The following NCOA2 variants were observed in gnomAD, a reference collection of about 807,000 sequenced individuals.
The protein encoded by NCOA2 is class E basic helix-loop-helix protein 75.
A neutral mutation model predicts 145.1 loss-of-function variants in NCOA2; 21 were observed. That is an observed-to-expected ratio of 0.14 (90% confidence interval 0.10 to 0.21). NCOA2 has a LOEUF of 0.21. Ranked by LOEUF, NCOA2 falls within the 10% of genes least tolerant of loss-of-function variation. The pLI, the probability that NCOA2 is intolerant of heterozygous loss-of-function variation, is 1.00. For missense variants in NCOA2, 1,472 were observed against 1,837.6 expected (o/e 0.80, Z 3.64); for synonymous variants, 619 against 637.5 (o/e 0.97, Z 0.44).
rs762541690 is a variant in NCOA2 at position 70,156,470 on chromosome 8, A to G, written c.1895T>C (p.Leu632Pro). The G allele has an allele frequency of 3.7e-6, 6 of 1,613,814 alleles. No individual in the cohort carries two copies. The African/African-American group carries it at 5.3e-5, about 14-fold the overall frequency. Residue 632 changes from leucine (L) to proline (P), a missense_variant, in exon 11 of 23, where the codon CTG becomes CCG. Transcript: ENST00000452400. ...SSERADGQSR[L>P]HDSKGQTKLL... ...TTTGGTCTGCCCTTTGCTGTCATGC[A>G]GTCTGCTCTGCCCGTCAGCTCTCTC... is the stretch of plus-strand genomic sequence containing the variant.
chr8:70,186,879 G>A (rs1329340936), intron 4 of NCOA2, among the ~76,000 whole-genome samples: 1 of 152,100 alleles, frequency 6.6e-6, no homozygotes, highest in Non-Finnish European at 1.5e-5. Context: ...TAAATTCAAA[G>A]GACATTCTAG....
the NCOA2 span, among the ~76,000 whole-genome samples, chr8:70,434,571 C>T: frequency 6.6e-6 from 1 of 151,900 alleles, no homozygotes; most frequent in Non-Finnish European, 1.5e-5. Flanking sequence ...TTCTTTCTTT[C>T]TTTTTTCTTT....
intron 1 of NCOA2, among the ~76,000 whole-genome samples, chr8:70,306,745 G>A (rs1189901858): frequency 3.9e-5 from 6 of 152,090 alleles, no homozygotes; most frequent in Non-Finnish European, 8.8e-5. Context: ...CAGGTGTGGT[G>A]GCGCGTGCCT....
In NCOA2 at chr8:70,113,518, C is replaced by A; in HGVS notation, c.*114G>T. ...CCAGGGCCAGGCCTGTCTGCTCTAG[C>A]AGAACCGGCTGGCAGGTCAGTTGGG... On this transcript the variant is annotated 3_prime_UTR_variant, in exon 23 of 23. Coordinates refer to ENST00000452400, the MANE Select transcript of NCOA2 (RefSeq NM_006540.4). 3.1e-6 allele frequency: 4 copies of A among 1,269,976 alleles called. No individual in the cohort carries two copies. Among genetic ancestry groups the A allele is most frequent in the Non-Finnish European group, 4.5e-6 (4 of 895,280 alleles). The allele number at this position is 1,269,976 out of a possible 1,614,324, so 78.7% of individuals were successfully genotyped here.
intron 2 of NCOA2, among the ~76,000 whole-genome samples, chr8:70,228,902 G>C (rs764787464): frequency 6.6e-6 from 1 of 152,180 alleles, no homozygotes; most frequent in African/African-American, 2.4e-5. Context: ...ATAGAATGAC[G>C]TGGAGAAAAC....
At chr8:70,411,377 A>T in the NCOA2 span, among the ~76,000 whole-genome samples, 3 of 152,268 alleles carry the variant, frequency 2.0e-5, no homozygotes, top group African/African-American at 7.2e-5. Context: ...AAAAATGCAA[A>T]GGAATCTACA....
chr8:70,439,044 C>T, the NCOA2 span, among the ~76,000 whole-genome samples: 2 of 152,204 alleles, frequency 1.3e-5, no homozygotes, highest in Non-Finnish European at 2.9e-5. Flanking sequence ...GTAATAGTTA[C>T]TCCATTAACC....
chr8:70,259,090 A>C (rs60509629), intron 2 of NCOA2, among the ~76,000 whole-genome samples: 2,276 of 152,168 alleles, frequency 0.015, 58 homozygotes, highest in African/African-American at 0.053. Context: ...CCATCCTTAC[A>C]TTTTGAGTGA....
chr8:70,175,892 T>A (rs1204990015), intron 4 of NCOA2, among the ~76,000 whole-genome samples: 1 of 151,490 alleles, frequency 6.6e-6, no homozygotes, highest in Non-Finnish European at 1.5e-5. Context: ...GTCAAAAATA[T>A]TTTATACAGT....
At chr8:70,256,823 A>G (rs1823672593) in intron 2 of NCOA2, among the ~76,000 whole-genome samples, 1 of 152,174 alleles carries the variant, frequency 6.6e-6, no homozygotes, top group South Asian at 2.1e-4. Flanking sequence ...TGTGCTCTCA[A>G]TCACAATACA....
chr8:70,286,416 A>G (rs1455211015), intron 2 of NCOA2, among the ~76,000 whole-genome samples: 1 of 152,228 alleles, frequency 6.6e-6, no homozygotes, highest in African/African-American at 2.4e-5. Flanking sequence ...TCTGTTTTAA[A>G]AAGATGTGGT....
intron 1 of NCOA2, chr8:70,402,312 A>T (rs934665046): frequency 6.6e-6 from 1 of 152,328 alleles, no homozygotes; most frequent in African/African-American, 2.4e-5. Flanking sequence ...GAAGGTGTTC[A>T]GGCTCGGTCT....
At chr8:70,212,793 G>C (rs919081120) in intron 4 of NCOA2, among the ~76,000 whole-genome samples, 1 of 152,056 alleles carries the variant, frequency 6.6e-6, no homozygotes, top group African/African-American at 2.4e-5. Flanking sequence ...TTCAAAAACA[G>C]ATTACAGGTC....
chr8:70,298,418 A>G (rs1402318296), intron 1 of NCOA2, among the ~76,000 whole-genome samples: 1 of 152,190 alleles, frequency 6.6e-6, no homozygotes, highest in Non-Finnish European at 1.5e-5. Flanking sequence ...AACAAACAAA[A>G]AGAATCTATA....
In NCOA2 at chr8:70,278,711, G is replaced by A. The variant is rs373371678; in HGVS notation, c.-20+18033C>T. Among the ~76,000 whole-genome samples the A allele has an allele frequency of 3.4e-4, 52 of 152,114 alleles. No homozygotes were observed. The South Asian group carries it at 7.5e-3, about 22-fold the overall frequency. On this transcript the variant is annotated intron_variant, in intron 2 of 22. Coordinates refer to ENST00000452400, the MANE Select transcript of NCOA2 (RefSeq NM_006540.4). ...GCTTGGGACGGTGGCTCATGCCTGT[G>A]ATCCCAGCATTTTGGGAGGCTGAGG... is the stretch of plus-strand genomic sequence containing the variant.
chr8:70,194,229 C>T (rs1037189339), intron 4 of NCOA2, among the ~76,000 whole-genome samples: 4 of 152,144 alleles, frequency 2.6e-5, no homozygotes, highest in African/African-American at 9.7e-5. Context: ...CTAATAAATT[C>T]ATTTTCTAGG....
chr8:70,130,281 G>C (rs1808943555), intron 16 of NCOA2, among the ~76,000 whole-genome samples: 1 of 152,090 alleles, frequency 6.6e-6, no homozygotes, highest in Non-Finnish European at 1.5e-5. Context: ...CTATAATTCA[G>C]TTTCATGACA....
chr8:70,309,242 T>C (rs965116771), intron 1 of NCOA2, among the ~76,000 whole-genome samples: 3 of 152,196 alleles, frequency 2.0e-5, no homozygotes, highest in Admixed American at 6.5e-5. Flanking sequence ...ACCATCCCTA[T>C]TGTGCCCTGT....
At chr8:70,192,471 C>T (rs1465860362) in intron 4 of NCOA2, among the ~76,000 whole-genome samples, 2 of 152,232 alleles carry the variant, frequency 1.3e-5, no homozygotes, top group Non-Finnish European at 2.9e-5. Context: ...GGCTTCCAGC[C>T]TGTGCATACA....
Sources: allele counts gnomAD v4.1 joint callset (sites outside exome capture counted in the v4.1 genomes callset), GRCh38; gene constraint gnomAD v4.1.1; transcripts MANE v1.5; gene names NCBI Gene and HGNC (gene_info 2026-07-23, HGNC 2026-07-21).